The following PCDHA3 variants were observed in gnomAD, a reference collection of about 807,000 sequenced individuals.
PCDHA3 encodes protocadherin alpha-3.
A neutral mutation model predicts 62.2 loss-of-function variants in PCDHA3; 41 were observed. The observed-to-expected ratio is 0.66, with a 90% CI of 0.51 to 0.86. The LOEUF (loss-of-function observed/expected upper bound fraction) is 0.86. Ranked by LOEUF, PCDHA3 falls within the 40% of genes least tolerant of loss-of-function variation. The pLI is 0.00. For synonymous variants in PCDHA3, 640 were observed against 555.4 expected (o/e 1.15, Z -2.14); for missense variants, 1,304 against 1,241.2 (o/e 1.05, Z -0.76).
At chr5:140,878,832 G>A (rs1416879653) in intron 1 of PCDHA3, among the ~76,000 whole-genome samples, 1 of 152,138 alleles carries the variant, frequency 6.6e-6, no homozygotes, top group African/African-American at 2.4e-5. Flanking sequence ...TGCACAGGCT[G>A]GACTAGAACT....
At chr5:140,987,997 T>C (rs2097277277) in intron 3 of PCDHA3, among the ~76,000 whole-genome samples, 1 of 152,212 alleles carries the variant, frequency 6.6e-6, no homozygotes, top group African/African-American at 2.4e-5. Flanking sequence ...TCTCTGATCC[T>C]TCCCCAGAAA....
Position 140,851,554 on chromosome 5 carries a change from A to G in PCDHA3, c.2394+47963A>G. On this transcript the variant is annotated intron_variant, in intron 1 of 3. Transcript: ENST00000522353. Reference sequence around the variant, plus strand: ...AATGTAGATAATTCAAGAAATGTTGACTGAAATTTTGTCTACACTTAGAAC... The same window carrying G: ...AATGTAGATAATTCAAGAAATGTTGGCTGAAATTTTGTCTACACTTAGAAC... 9.9e-6 allele frequency: 9 copies of G among 909,036 alleles called. 1 individual carries two copies. The highest frequency in any genetic ancestry group is 1.1e-5 in the Non-Finnish European group (8 of 746,402). The allele number at this position is 909,036 out of a possible 1,614,324, so 56.3% of individuals were successfully genotyped here.
intron 1 of PCDHA3, among the ~76,000 whole-genome samples, chr5:140,895,531 A>T (rs1433375510): frequency 6.6e-6 from 1 of 152,016 alleles, no homozygotes; most frequent in Non-Finnish European, 1.5e-5. Flanking sequence ...TTCGTTTTTC[A>T]ATTGTTGAGT....
chr5:140,842,048 G>C lies in PCDHA3; in HGVS notation c.2394+38457G>C, dbSNP rs2150328015. ...TGTGAATGATAATGCTCCCACTTTC[G>C]AACAGTCTGAATACGAAGTAAGAAT... On this transcript the variant is annotated intron_variant, in intron 1 of 3. Coordinates refer to ENST00000522353, the MANE Select transcript of PCDHA3 (RefSeq NM_018906.3). The C allele has an allele frequency of 2.4e-5, 39 of 1,613,798 alleles. 2 individuals carry two copies. The East Asian group carries it at 8.2e-4, about 34-fold the overall frequency.
chr5:140,888,755 T>C (rs1290458155), intron 1 of PCDHA3, among the ~76,000 whole-genome samples: 1 of 146,364 alleles, frequency 6.8e-6, no homozygotes, highest in African/African-American at 2.5e-5. Flanking sequence ...TTCTACCCAC[T>C]TTTTTTTTTA....
Position 140,982,486 on chromosome 5 carries a change from T to C in PCDHA3, c.2465T>C (p.Leu822Pro). ...LRAGMHSSVH[L>P]EEAGILRAGP... Reference sequence around the variant, plus strand: ...GTGTGTTTATTCAGCTCTGTGCACCTAGAGGAGGCTGGCATTCTACGGGCT... The same window carrying C: ...GTGTGTTTATTCAGCTCTGTGCACCCAGAGGAGGCTGGCATTCTACGGGCT... Residue 822 changes from leucine to proline, a missense_variant, in exon 3 of 4, where the codon CTA (leucine) becomes CCA (proline). Physicochemically the swap from Leu to Pro is moderately conservative, Grantham distance 98. Coordinates refer to ENST00000522353, the MANE Select transcript of PCDHA3 (RefSeq NM_018906.3). The C allele has an allele frequency of 6.2e-7, 1 of 1,614,180 alleles. No individual in the cohort carries two copies. Among genetic ancestry groups the C allele is most frequent in the South Asian group, 1.1e-5 (1 of 91,086 alleles).
chr5:140,850,291 C>G (rs2150477990), intron 1 of PCDHA3: 2 of 1,595,974 alleles, frequency 1.3e-6, no homozygotes, highest in South Asian at 2.2e-5. Flanking sequence ...GCAGTGGACG[C>G]CGACTCGGGC....
intron 1 of PCDHA3, chr5:140,851,271 T>C: frequency 1.9e-6 from 2 of 1,067,438 alleles, no homozygotes; most frequent in South Asian, 8.1e-5. Flanking sequence ...TCTACTTGTA[T>C]TGTTTATAAG....
At chr5:141,009,501 C>G in intron 3 of PCDHA3, 126 bp from the exon 4 acceptor site, 2 of 1,492,598 alleles carry the variant, frequency 1.3e-6, no homozygotes, top group Non-Finnish European at 1.8e-6. Context: ...CAGACTTGAA[C>G]AAACAACTCG....
intron 1 of PCDHA3, chr5:140,862,898 C>T (rs782019926): frequency 8.8e-5 from 49 of 555,816 alleles, no homozygotes; most frequent in Non-Finnish European, 7.3e-5. Flanking sequence ...ACAACTTTGT[C>T]TGCGCTGCTG....
At chr5:140,882,076 G>T in intron 1 of PCDHA3, 1 of 920,546 alleles carries the variant, frequency 1.1e-6, no homozygotes. Flanking sequence ...TGCGCATGGT[G>T]TCGCTCTTCA....
rs1554122524 is a variant in PCDHA3 at position 140,803,015 on chromosome 5, G to A, written c.1818G>A (p.Trp606Ter). ...ATGCAGACTCAGGCTACAACGCGTG[G>A]CTTTCGTATGAGCTGCAGCCTGGGA... is the stretch of plus-strand genomic sequence containing the variant. ...AVDADSGYNAWLSYELQPGTG... is the reference protein window; with the variant it reads ...AVDADSGYNA Residue 606 changes from tryptophan to a stop codon, truncating the protein, a stop_gained, in exon 1 of 4, where the codon TGG (tryptophan) becomes TGA (stop). Coordinates refer to ENST00000522353, the MANE Select transcript of PCDHA3 (RefSeq NM_018906.3). LOFTEE classifies it high-confidence loss of function. The A allele has an allele frequency of 6.2e-7, 1 of 1,613,924 alleles. No individual in the cohort carries two copies. The highest frequency in any genetic ancestry group is 8.5e-7 in the Non-Finnish European group (1 of 1,179,944).
chr5:140,845,542 A>G (rs927156983), intron 1 of PCDHA3, among the ~76,000 whole-genome samples: 3 of 149,498 alleles, frequency 2.0e-5, no homozygotes, highest in African/African-American at 7.3e-5. Flanking sequence ...TATTCTAATT[A>G]TGGTGATGCT....
chr5:140,817,846 T>G (rs1371942730), intron 1 of PCDHA3, among the ~76,000 whole-genome samples: 1 of 152,238 alleles, frequency 6.6e-6, no homozygotes, highest in East Asian at 1.9e-4. Flanking sequence ...ACTATCACTT[T>G]TGAGAAACAG....
At chr5:140,950,195 C>A (rs186601471) in intron 1 of PCDHA3, among the ~76,000 whole-genome samples, 1 of 152,028 alleles carries the variant, frequency 6.6e-6, no homozygotes, top group Non-Finnish European at 1.5e-5. Context: ...AAAAAATAGT[C>A]ATTTCTGTTT....
At chr5:140,833,462 C>A (rs1291648288) in intron 1 of PCDHA3, among the ~76,000 whole-genome samples, 3 of 152,102 alleles carry the variant, frequency 2.0e-5, no homozygotes, top group Non-Finnish European at 4.4e-5. Context: ...AATAAACTTA[C>A]ATTTTAAAAG....
chr5:140,926,349 G>A (rs1405832516), intron 1 of PCDHA3: 2 of 152,260 alleles, frequency 1.3e-5, no homozygotes, highest in Admixed American at 1.3e-4. Flanking sequence ...CCCGACGCGC[G>A]GCTCCCAAAG....
At chr5:140,967,249 G>A (rs782040791) in intron 1 of PCDHA3, 1 of 1,613,592 alleles carries the variant, frequency 6.2e-7, no homozygotes, top group Non-Finnish European at 8.5e-7. Context: ...GCGAATCGGT[G>A]GCGCCTGGAG....
At chr5:140,985,067 A>C (rs2153836144) in intron 3 of PCDHA3, among the ~76,000 whole-genome samples, 1 of 152,116 alleles carries the variant, frequency 6.6e-6, no homozygotes, top group East Asian at 1.9e-4. Flanking sequence ...CCTCCTGAGT[A>C]GCTGAGACTA....
Sources: allele counts gnomAD v4.1 joint callset (sites outside exome capture counted in the v4.1 genomes callset), GRCh38; gene constraint gnomAD v4.1.1; transcripts MANE v1.5; gene names NCBI Gene and HGNC (gene_info 2026-07-23, HGNC 2026-07-21).